Variants in TBC1D16 observed in about 807,000 individuals in gnomAD.
TBC1D16 encodes CTD-2529O21.1.
TBC1D16 carries 58 observed loss-of-function variants against 74.7 expected under a neutral mutation model. The observed-to-expected ratio is 0.78, with a 90% confidence interval of 0.63 to 0.97. The LOEUF is 0.97. Ranked by LOEUF, TBC1D16 falls within the 50% of genes least tolerant of loss-of-function variation. TBC1D16 has a pLI of 0.00. For missense variants in TBC1D16, 1,014 were observed against 1,079.5 expected, an observed-to-expected ratio of 0.94 and a Z score of 0.85; for synonymous variants, 493 against 474.7, an observed-to-expected ratio of 1.04 and a Z score of -0.50.
At chr17:80,002,827 G>A (rs1331847732) in intron 3 of TBC1D16, among the ~76,000 whole-genome samples, 1 of 152,228 alleles carries the variant, frequency 6.6e-6, no homozygotes, top group Non-Finnish European at 1.5e-5. Flanking sequence ...ACAGGACCGC[G>A]TGCACTGCAG....
At chr17:79,999,529 ATTTCTTTT>A (rs1344853880) in intron 3 of TBC1D16, among the ~76,000 whole-genome samples, 4 of 111,572 alleles carry the variant, frequency 3.6e-5, no homozygotes, top group African/African-American at 1.4e-4. Flanking sequence ...TTTCCCCCAA[ATTTCTTTT>A]TTTTTTTTTT....
chr17:79,944,366 G>A lies in TBC1D16; in HGVS notation c.1908+542C>T, dbSNP rs767177689. On this transcript the variant is annotated intron_variant, in intron 10 of 11. Transcript: ENST00000310924. The surrounding 1 kb of genome is among the most constrained non-coding windows in gnomAD (Gnocchi z 7.7). Reference sequence around the variant, plus strand: ...GTTTGGGCGTTAAGGCCATGTGACAGAGCCAGTGCTGTGCTCCAAGGGGAA... The same window carrying A: ...GTTTGGGCGTTAAGGCCATGTGACAAAGCCAGTGCTGTGCTCCAAGGGGAA... Among the ~76,000 whole-genome samples, 2 of 152,228 alleles carry A rather than the reference G, an allele frequency of 1.3e-5. No homozygotes were observed. The highest frequency in any genetic ancestry group is 2.4e-5 in the African/African-American group (1 of 41,458).
rs2034287926 is a variant in TBC1D16, at chr17:79,975,321, A to T, written c.780-22503T>A. On this transcript the variant is annotated intron_variant, in intron 3 of 11. Transcript: ENST00000310924. This position sits in a 1 kb window ranked among gnomAD's most constrained non-coding sequence, Gnocchi z 4.5. The stretch of plus-strand genomic sequence containing the variant: ...TGGATTGGAACGCCCAGCTTTGTAC[A>T]GCCTGAGCTCTGGCCGACTGGAATT... 6.6e-6 allele frequency among the ~76,000 whole-genome samples: 1 copy of T among 152,234 alleles called. No homozygotes were observed. Among genetic ancestry groups the T allele is most frequent in the Non-Finnish European group, 1.5e-5 (1 of 68,040 alleles).
intron 1 of TBC1D16, among the ~76,000 whole-genome samples, chr17:80,015,405 G>A (rs1265298949): frequency 6.6e-6 from 1 of 152,172 alleles, no homozygotes; most frequent in East Asian, 1.9e-4. Flanking sequence ...CTGCACTCCA[G>A]CCTGGGCGAC....
rs1322983930 is a variant in TBC1D16 at position 79,941,750 on chromosome 17, C to T, written c.2055+310G>A. The stretch of plus-strand genomic sequence containing the variant: ...AAGCGAGGTACCCCAGGGTAGGGAA[C>T]CTGTCCTGTCCGTCAGCCCCGGTGA... On this transcript the variant is annotated intron_variant, in intron 11 of 11. Coordinates refer to ENST00000310924, the MANE Select transcript of TBC1D16 (RefSeq NM_019020.4). The surrounding 1 kb of genome is among the most constrained non-coding windows in gnomAD (Gnocchi z 4.3). 6.6e-6 allele frequency among the ~76,000 whole-genome samples: 1 copy of T among 152,192 alleles called. No individual in the cohort carries two copies. The highest frequency in any genetic ancestry group is 6.5e-5 in the Admixed American group (1 of 15,282).
intron 3 of TBC1D16, among the ~76,000 whole-genome samples, chr17:79,973,568 G>C (rs1326308121): frequency 6.6e-6 from 1 of 152,162 alleles, no homozygotes; most frequent in East Asian, 1.9e-4. Context: ...AAAATAGCCA[G>C]GTGTGGCGGC....
intron 1 of TBC1D16, among the ~76,000 whole-genome samples, chr17:80,014,225 C>T (rs535769030): frequency 7.2e-5 from 11 of 152,080 alleles, no homozygotes; most frequent in African/African-American, 2.2e-4. Context: ...GGTGCGGTGG[C>T]GGGCGCCTAC....
intron 1 of TBC1D16, among the ~76,000 whole-genome samples, chr17:80,014,984 AC>A (rs2036034979): frequency 6.6e-6 from 1 of 152,128 alleles, no homozygotes; most frequent in Admixed American, 6.5e-5. Context: ...CCAAGGAAAC[AC>A]CTAATCAAAT....
intron 1 of TBC1D16, among the ~76,000 whole-genome samples, chr17:80,017,680 C>CAAAA (rs57336950): frequency 1.2e-5 from 1 of 84,842 alleles, no homozygotes; most frequent in Non-Finnish European, 2.4e-5. Context: ...GACTCCATCT[C>CAAAA]AAAAAAAAAA....
rs2031410043 is a variant in TBC1D16, at chr17:79,933,784, CAT to C, written c.*7073_*7074del. The C allele has an allele frequency of 6.6e-6, 1 of 152,256 alleles. No homozygotes were observed. Among genetic ancestry groups the C allele is most frequent in the Non-Finnish European group, 1.5e-5 (1 of 68,082 alleles). 9.4% of individuals were successfully genotyped at this position (152,256 alleles called of 1,614,324 possible). A position where few individuals can be genotyped will look rare whatever the true frequency, so the allele number is the denominator to read the frequency against. Reference sequence around the variant, plus strand: ...TGCTCATTTGAGGGTGTGCAGGGTACATATGTGTCTGCCCCGGGAATCCAAGT... The same window carrying C: ...TGCTCATTTGAGGGTGTGCAGGGTACATGTGTCTGCCCCGGGAATCCAAGT... On this transcript the variant is annotated 3_prime_UTR_variant, in exon 12 of 12. Transcript: ENST00000310924.
Position 79,993,904 on chromosome 17 carries a change from G to A in TBC1D16, c.779+16256C>T, listed in dbSNP as rs370962261. On this transcript the variant is annotated intron_variant, in intron 3 of 11. Transcript: ENST00000310924. This position sits in a 1 kb window ranked among gnomAD's most constrained non-coding sequence, Gnocchi z 5.1. ...CCAGCCCCCATGCAACCACCGGCCG[G>A]GGTTGCGTCAAGGCCTCCCGGAGCA... 6.6e-6 allele frequency among the ~76,000 whole-genome samples: 1 copy of A among 152,180 alleles called. No homozygotes were observed. The highest frequency in any genetic ancestry group is 1.5e-5 in the Non-Finnish European group (1 of 68,022).
intron 3 of TBC1D16, among the ~76,000 whole-genome samples, chr17:79,963,073 G>A (rs1027053689): frequency 6.6e-6 from 1 of 151,154 alleles, no homozygotes; most frequent in Non-Finnish European, 1.5e-5. Context: ...AAATTAGCCA[G>A]GTGTGGTGGT....
At position 79,940,013 on chromosome 17, in the gene TBC1D16, C is replaced by T. The variant is rs71389722; in HGVS notation, c.*846G>A. The T allele has an allele frequency of 0.026, 4,005 of 152,200 alleles. 96 individuals are homozygous for T. Among genetic ancestry groups the T allele is most frequent in the Middle Eastern group, 0.11 (31 of 292 alleles). The allele number at this position is 152,200 out of a possible 1,614,324, so 9.4% of individuals were successfully genotyped here. On this transcript the variant is annotated 3_prime_UTR_variant, in exon 12 of 12. Coordinates refer to ENST00000310924, the MANE Select transcript of TBC1D16 (RefSeq NM_019020.4). This position sits in a 1 kb window ranked among gnomAD's most constrained non-coding sequence, Gnocchi z 5.4. ...TGCACGCAGGGACACACGCACACAT[C>T]GACCCATTCAAGCCCCAGCTGGTTG...
intron 6 of TBC1D16, 28 bp from the exon 7 acceptor site, chr17:79,949,893 G>C: frequency 6.2e-7 from 1 of 1,604,602 alleles, no homozygotes; most frequent in Non-Finnish European, 8.5e-7. Flanking sequence ...AGTTGGGGAG[G>C]GGATAAAATG....
intron 1 of TBC1D16, among the ~76,000 whole-genome samples, chr17:80,022,997 A>G (rs749996647): frequency 6.7e-5 from 10 of 149,958 alleles, no homozygotes; most frequent in Non-Finnish European, 1.0e-4. Flanking sequence ...CGTGACCCGG[A>G]GGCCTATGTG....
intron 1 of TBC1D16, among the ~76,000 whole-genome samples, chr17:80,015,750 C>T (rs768189894): frequency 1.7e-4 from 26 of 152,086 alleles, no homozygotes; most frequent in Non-Finnish European, 3.7e-4. Flanking sequence ...GTGGCTCACA[C>T]CTGTAATCCC....
chr17:80,013,526 G>A lies in TBC1D16; in HGVS notation c.22C>T (p.Arg8Cys), dbSNP rs137969068. Residue 8 changes from arginine (R) to cysteine (C), a missense_variant, in exon 2 of 12, where the codon CGC becomes TGC. By Grantham distance (180) the Arg-to-Cys change is radical. Coordinates refer to ENST00000310924, the MANE Select transcript of TBC1D16 (RefSeq NM_019020.4). ...TCCGAGGCTTTGGAGGAGGCCCTGC[G>A]AAGGAGGCGGCCCAGAGACATTGCC... MSLGRLL[R>C]RASSKASDLL... 5.4e-5 allele frequency: 84 copies of A among 1,546,896 alleles called. No individual in the cohort carries two copies. The East Asian group carries it at 1.8e-3, about 33-fold the overall frequency.
In TBC1D16 at chr17:79,939,652, C is replaced by G. The variant is rs1000519751; in HGVS notation, c.*1207G>C. On this transcript the variant is annotated 3_prime_UTR_variant, in exon 12 of 12. Coordinates refer to ENST00000310924, the MANE Select transcript of TBC1D16 (RefSeq NM_019020.4). ...GAGTTCTCACAGCATAGATCGCACACCCTTTTCTGTCCATCTCTAAATCCC... is the reference window on the plus strand; with the variant it reads ...GAGTTCTCACAGCATAGATCGCACAGCCTTTTCTGTCCATCTCTAAATCCC... 2 of 152,178 alleles carry G rather than the reference C, an allele frequency of 1.3e-5. No individual in the cohort carries two copies. The highest frequency in any genetic ancestry group is 1.3e-4 in the Admixed American group (2 of 15,276). The allele number at this position is 152,178 out of a possible 1,614,324, so 9.4% of individuals were successfully genotyped here.
chr17:80,006,118 C>T (rs886985723), intron 3 of TBC1D16, among the ~76,000 whole-genome samples: 11 of 152,180 alleles, frequency 7.2e-5, no homozygotes, highest in African/African-American at 1.9e-4. Context: ...CCCTGCCTGG[C>T]GGGATGGCCA....
Sources: gnomAD v4.1 joint callset for allele counts (sites outside exome capture counted in the v4.1 genomes callset) on GRCh38, gnomAD v4.1.1 for gene constraint, Gnocchi (gnomAD v3.1) non-coding constraint, MANE v1.5 for transcripts, NCBI Gene and HGNC (gene_info 2026-07-23, HGNC 2026-07-21) for gene names.